NXPE2: variants seen among roughly 807,000 people sequenced by gnomAD.
NXPE2 encodes neurexophilin and PC-esterase domain family member 2, also known as NXPE family member 2.
A neutral mutation model predicts 34.4 loss-of-function variants in NXPE2; 34 were observed. That is an observed-to-expected ratio of 0.99 (90% CI 0.75 to 1.31). The LOEUF (loss-of-function observed/expected upper bound fraction) is 1.31. Ranked by LOEUF, NXPE2 falls within the 40% of genes most tolerant of loss-of-function variation. NXPE2 has a pLI of 0.00. For synonymous variants in NXPE2, 235 were observed against 231.3 expected, an observed-to-expected ratio of 1.02 and a Z score of -0.15; for missense variants, 649 against 672.5, an observed-to-expected ratio of 0.97 and a Z score of 0.39.
the NXPE2 span, among the ~76,000 whole-genome samples, chr11:114,614,816 T>A: frequency 6.6e-6 from 1 of 151,998 alleles, no homozygotes; most frequent in Non-Finnish European, 1.5e-5. Flanking sequence ...GCCTCGTGGG[T>A]AACCACTGTT....
chr11:114,522,363 C>T, the NXPE2 span: 8 of 1,614,090 alleles, frequency 5.0e-6, no homozygotes, highest in Non-Finnish European at 6.8e-6. Flanking sequence ...GGGATATAAT[C>T]ATGATCTATC....
the NXPE2 span, among the ~76,000 whole-genome samples, chr11:114,733,251 G>T: frequency 6.6e-6 from 1 of 152,090 alleles, no homozygotes; most frequent in African/African-American, 2.4e-5. Flanking sequence ...CCACCAACAC[G>T]CCCGGCTAAT....
At chr11:114,556,755 C>G in the NXPE2 span, among the ~76,000 whole-genome samples, 1 of 151,974 alleles carries the variant, frequency 6.6e-6, no homozygotes, top group African/African-American at 2.4e-5. Context: ...ATCTAAGCCA[C>G]TCTGACATTT....
At chr11:114,793,128 A>T in the NXPE2 span, among the ~76,000 whole-genome samples, 1 of 152,200 alleles carries the variant, frequency 6.6e-6, no homozygotes, top group Non-Finnish European at 1.5e-5. Context: ...CCATCACATG[A>T]CAGTTCTCTA....
At chr11:114,642,382 C>T in the NXPE2 span, among the ~76,000 whole-genome samples, 4 of 152,098 alleles carry the variant, frequency 2.6e-5, no homozygotes, top group African/African-American at 9.6e-5. Flanking sequence ...CATCATCCCA[C>T]CATCTACAGT....
chr11:114,685,310 T>C (rs1231600316), intron 2 of NXPE2, among the ~76,000 whole-genome samples: 1 of 152,098 alleles, frequency 6.6e-6, no homozygotes, highest in Non-Finnish European at 1.5e-5. Flanking sequence ...AAGTCCAAGA[T>C]CAAGGCATCA....
At chr11:114,606,317 A>T in the NXPE2 span, among the ~76,000 whole-genome samples, 1 of 151,526 alleles carries the variant, frequency 6.6e-6, no homozygotes, top group Non-Finnish European at 1.5e-5. Context: ...AACCAGTGTT[A>T]CCCAGTGGAT....
chr11:114,760,585 A>C, the NXPE2 span, among the ~76,000 whole-genome samples: 1 of 152,184 alleles, frequency 6.6e-6, no homozygotes, highest in African/African-American at 2.4e-5. Context: ...ATCCAAGACA[A>C]AGGGAGAGTC....
At chr11:114,646,519 T>A in the NXPE2 span, among the ~76,000 whole-genome samples, 3 of 152,026 alleles carry the variant, frequency 2.0e-5, no homozygotes, top group Admixed American at 1.3e-4. Context: ...AACAATGTAA[T>A]TTTTTAAAAA....
At chr11:114,559,861 T>C in the NXPE2 span, 1 of 152,396 alleles carries the variant, frequency 6.6e-6, no homozygotes, top group South Asian at 2.1e-4. Context: ...TAACTGGCTC[T>C]TGTGGCTGTG....
the NXPE2 span, among the ~76,000 whole-genome samples, chr11:114,713,431 G>T: frequency 6.6e-6 from 1 of 152,134 alleles, no homozygotes; most frequent in African/African-American, 2.4e-5. Flanking sequence ...AAATACAATT[G>T]TCCCTCTATG....
At chr11:114,593,987 T>C in the NXPE2 span, among the ~76,000 whole-genome samples, 162 of 152,066 alleles carry the variant, frequency 1.1e-3, 1 homozygote, top group African/African-American at 3.6e-3. Context: ...ATTGAAGTCA[T>C]GGAGTTAGAG....
the NXPE2 span, among the ~76,000 whole-genome samples, chr11:114,473,611 A>G: frequency 6.6e-6 from 1 of 152,224 alleles, no homozygotes; most frequent in Non-Finnish European, 1.5e-5. Flanking sequence ...TGGTTTACAA[A>G]GCTATGTTTT....
the NXPE2 span, among the ~76,000 whole-genome samples, chr11:114,621,359 A>G: frequency 6.6e-6 from 1 of 152,212 alleles, no homozygotes; most frequent in Admixed American, 6.5e-5. Context: ...GTTAGTAAAT[A>G]CTGTTATCTG....
the NXPE2 span, among the ~76,000 whole-genome samples, chr11:114,559,161 A>G: frequency 6.6e-6 from 1 of 152,200 alleles, no homozygotes; most frequent in Admixed American, 6.5e-5. Context: ...CAAAGACAAA[A>G]ATTAAAAAAG....
At chr11:114,574,845 C>T in the NXPE2 span, among the ~76,000 whole-genome samples, 1 of 152,064 alleles carries the variant, frequency 6.6e-6, no homozygotes, top group Non-Finnish European at 1.5e-5. Context: ...TTCTATAAAG[C>T]CAGTATCATC....
At chr11:114,691,067 C>G (rs1275537582) in intron 2 of NXPE2, among the ~76,000 whole-genome samples, 1 of 151,958 alleles carries the variant, frequency 6.6e-6, no homozygotes, top group Non-Finnish European at 1.5e-5. Context: ...AATTCTACAC[C>G]TGTCATTTCA....
the NXPE2 span, among the ~76,000 whole-genome samples, chr11:114,625,769 T>C: frequency 1.1e-4 from 17 of 152,110 alleles, no homozygotes; most frequent in Non-Finnish European, 2.1e-4. Flanking sequence ...GGTACCAGGT[T>C]CATCTCATTA....
chr11:114,581,825 C>T, the NXPE2 span: 1 of 1,431,682 alleles, frequency 7.0e-7, no homozygotes, highest in Admixed American at 1.9e-5. Context: ...TGTAGGTGGC[C>T]TCAAATCAGG....
Sources: allele counts gnomAD v4.1 joint callset (sites outside exome capture counted in the v4.1 genomes callset), GRCh38; gene constraint gnomAD v4.1.1; transcripts MANE v1.5; gene names NCBI Gene and HGNC (gene_info 2026-07-23, HGNC 2026-07-21).